The following CDH18 variants were observed in gnomAD, a reference collection of about 807,000 sequenced individuals.
CDH18 encodes the protein cadherin-18.
In CDH18, 31 loss-of-function variants were observed where a neutral mutation model predicts 67.9. The ratio of observed to expected loss-of-function variants is 0.46; its 90% CI spans 0.34 to 0.62. The LOEUF is 0.62. Among genes scored for constraint, CDH18 ranks in the 20% least tolerant of loss-of-function variants. The pLI, the probability that CDH18 is intolerant of heterozygous loss-of-function variation, is 0.01. For synonymous variants in CDH18, 362 were observed against 347.2 expected (o/e 1.04, Z -0.48); for missense variants, 890 against 975.5 (o/e 0.91, Z 1.17).
chr5:19,793,567 A>G lies in CDH18; in HGVS notation c.228+45192T>C, dbSNP rs148649860. On this transcript the variant is annotated intron_variant, in intron 3 of 12. Transcript: ENST00000382275. ...TTACTCACACAAATTTTAGAATACA[A>G]TCTTTCCAGTTGCCTTTTACACCGT... is the stretch of plus-strand genomic sequence containing the variant. Among the ~76,000 whole-genome samples, 37 of 152,222 alleles carry G rather than the reference A, an allele frequency of 2.4e-4. No homozygotes were observed. In the East Asian group the frequency reaches 6.6e-3, roughly 27 times the overall value.
chr5:20,042,466 A>G (rs1042831736), intron 2 of CDH18, among the ~76,000 whole-genome samples: 1 of 152,220 alleles, frequency 6.6e-6, no homozygotes, highest in Admixed American at 6.5e-5. Flanking sequence ...CATATAAAAT[A>G]CATTTCTGAG....
intron 11 of CDH18, among the ~76,000 whole-genome samples, chr5:19,488,028 T>C (rs903245696): frequency 2.0e-5 from 3 of 152,162 alleles, no homozygotes; most frequent in African/African-American, 4.8e-5. Flanking sequence ...AATACATTAG[T>C]AGAATACAAG....
intron 2 of CDH18, among the ~76,000 whole-genome samples, chr5:20,135,990 C>G (rs1336163724): frequency 1.3e-5 from 2 of 152,148 alleles, no homozygotes; most frequent in Admixed American, 6.6e-5. Context: ...TTTACATTTG[C>G]TGAGGAGTGC....
chr5:20,073,668 T>C (rs6869124), intron 2 of CDH18, among the ~76,000 whole-genome samples: 43,850 of 151,928 alleles, frequency 0.29, 7,776 homozygotes, highest in Non-Finnish European at 0.38. Flanking sequence ...ACTGGCATTG[T>C]GTCTCAGTAA....
intron 2 of CDH18, among the ~76,000 whole-genome samples, chr5:20,051,261 A>G (rs1385503254): frequency 6.6e-6 from 1 of 151,946 alleles, no homozygotes; most frequent in Non-Finnish European, 1.5e-5. Context: ...CCACACATTC[A>G]TTTATTGAGC....
chr5:20,484,522 G>A (rs1298319841), intron 1 of CDH18, among the ~76,000 whole-genome samples: 1 of 151,988 alleles, frequency 6.6e-6, no homozygotes, highest in Non-Finnish European at 1.5e-5. Flanking sequence ...AGATTTGAAG[G>A]CAGCCTATGT....
chr5:20,315,568 G>A (rs1034394779), intron 1 of CDH18, among the ~76,000 whole-genome samples: 1 of 151,856 alleles, frequency 6.6e-6, no homozygotes, highest in Non-Finnish European at 1.5e-5. Context: ...ATCCTTTTTC[G>A]ACTTCACCTC....
chr5:19,885,933 T>C (rs1212536214), intron 2 of CDH18, among the ~76,000 whole-genome samples: 2 of 152,210 alleles, frequency 1.3e-5, no homozygotes, highest in Non-Finnish European at 2.9e-5. Context: ...ACAAAATCTC[T>C]TTATGGTCCT....
At chr5:20,311,452 A>G (rs1736984309) in intron 1 of CDH18, among the ~76,000 whole-genome samples, 1 of 152,158 alleles carries the variant, frequency 6.6e-6, no homozygotes, top group Non-Finnish European at 1.5e-5. Context: ...TACACATGGA[A>G]TACTATGCAG....
intron 3 of CDH18, among the ~76,000 whole-genome samples, chr5:19,798,522 G>A (rs1323518881): frequency 6.6e-6 from 1 of 151,812 alleles, no homozygotes; most frequent in Non-Finnish European, 1.5e-5. Flanking sequence ...GGTGTGTGGG[G>A]TATGAATGAA....
At chr5:19,504,690 T>A (rs1468559114) in intron 10 of CDH18, among the ~76,000 whole-genome samples, 1 of 152,142 alleles carries the variant, frequency 6.6e-6, no homozygotes, top group Non-Finnish European at 1.5e-5. Context: ...AAATATATAA[T>A]GTTACCTCTT....
At chr5:20,022,798 T>C (rs1008796873) in intron 2 of CDH18, among the ~76,000 whole-genome samples, 1 of 152,222 alleles carries the variant, frequency 6.6e-6, no homozygotes, top group Admixed American at 6.5e-5. Flanking sequence ...GGTATTTTAA[T>C]TGTAGAAAGG....
At chr5:19,682,067 T>C (rs1760417646) in intron 5 of CDH18, among the ~76,000 whole-genome samples, 1 of 152,088 alleles carries the variant, frequency 6.6e-6, no homozygotes. Context: ...TATGACCATT[T>C]GGAAGCTATT....
At chr5:20,346,753 T>G (rs1740732641) in intron 1 of CDH18, among the ~76,000 whole-genome samples, 1 of 152,032 alleles carries the variant, frequency 6.6e-6, no homozygotes, top group Admixed American at 6.5e-5. Context: ...TAGCCTTGAG[T>G]GTAATAACAG....
intron 2 of CDH18, among the ~76,000 whole-genome samples, chr5:19,858,566 G>C (rs1043529104): frequency 6.6e-6 from 1 of 152,158 alleles, no homozygotes; most frequent in African/African-American, 2.4e-5. Context: ...GGAATCTCTG[G>C]TTATCAGAAC....
At chr5:19,882,819 T>C (rs912068497) in intron 2 of CDH18, among the ~76,000 whole-genome samples, 2 of 152,198 alleles carry the variant, frequency 1.3e-5, no homozygotes, top group Non-Finnish European at 2.9e-5. Flanking sequence ...TAGATATTAC[T>C]ATATTTACAT....
chr5:20,498,957 G>T (rs1446696568), intron 1 of CDH18, among the ~76,000 whole-genome samples: 1 of 152,008 alleles, frequency 6.6e-6, no homozygotes, highest in South Asian at 2.1e-4. Context: ...TTTGTATTGA[G>T]CTTGTGTTTC....
chr5:19,766,898 A>G (rs999884056), intron 3 of CDH18, among the ~76,000 whole-genome samples: 4 of 152,184 alleles, frequency 2.6e-5, no homozygotes, highest in East Asian at 3.9e-4. Flanking sequence ...TCCCTATTAT[A>G]CTATCTTTTC....
At chr5:19,866,575 T>G (rs1785531517) in intron 2 of CDH18, among the ~76,000 whole-genome samples, 1 of 152,106 alleles carries the variant, frequency 6.6e-6, no homozygotes, top group Non-Finnish European at 1.5e-5. Context: ...GCAGTTTAAT[T>G]AAAGTGCCAG....
Sources: allele counts gnomAD v4.1 joint callset (sites outside exome capture counted in the v4.1 genomes callset), GRCh38; gene constraint gnomAD v4.1.1; transcripts MANE v1.5; gene names NCBI Gene and HGNC (gene_info 2026-07-23, HGNC 2026-07-21).